The following C5 variants were observed in gnomAD, a reference collection of about 807,000 sequenced individuals.
The protein encoded by C5 is C3 and PZP-like alpha-2-macroglobulin domain-containing protein 4.
Under a neutral mutation model 218.8 loss-of-function variants are expected in C5, and 140 were observed. The ratio of observed to expected loss-of-function variants is 0.64; its 90% CI spans 0.56 to 0.74. The LOEUF (loss-of-function observed/expected upper bound fraction) is 0.74, where lower values mean the gene tolerates loss of function less well. Among genes scored for constraint, C5 ranks in the 30% least tolerant of loss-of-function variants. The pLI, the probability that C5 is intolerant of heterozygous loss-of-function variation, is 0.00. For synonymous variants in C5, 614 were observed against 682.3 expected (o/e 0.90, Z 1.56); for missense variants, 1,700 against 1,969.6 (o/e 0.86, Z 2.59).
chr9:121,048,763 G>GTTACT (rs2047649475), intron 1 of C5, among the ~76,000 whole-genome samples: 3 of 152,062 alleles, frequency 2.0e-5, no homozygotes, highest in Non-Finnish European at 4.4e-5. Flanking sequence ...CAGAGGAGCA[G>GTTACT]GAGCTTGCAG....
At position 121,017,643 on chromosome 9, in the gene C5, C is replaced by A; in HGVS notation, c.1716G>T (p.Gln572His). Reference sequence around the variant, plus strand: ...TTGTGACTTATAATTTGTGGCTTACCTGGAGCTGGTTGCCACATTTTTCTT... The same window carrying A: ...TTGTGACTTATAATTTGTGGCTTACATGGAGCTGGTTGCCACATTTTTCTT... ...NIEEKCGNQLQVHLSPDADAY... is the reference protein window; with the variant it reads ...NIEEKCGNQLHVHLSPDADAY... The change falls in exon 13 of 41, where the codon CAG becomes CAT. Residue 572 changes from glutamine to histidine, a missense_variant and splice_region_variant. Physicochemically the swap from Gln to His is conservative, Grantham distance 24. Transcript: ENST00000223642. The A allele has an allele frequency of 6.2e-7, 1 of 1,612,390 alleles. No homozygotes were observed. The highest frequency in any genetic ancestry group is 8.5e-7 in the Non-Finnish European group (1 of 1,178,814).
At chr9:121,073,923 A>T in the C5 span, among the ~76,000 whole-genome samples, 1 of 152,208 alleles carries the variant, frequency 6.6e-6, no homozygotes, top group African/African-American at 2.4e-5. Flanking sequence ...GAGTTTCTAA[A>T]AGTGTTATAC....
chr9:121,023,993 T>C (rs1412543939), intron 9 of C5, among the ~76,000 whole-genome samples: 1 of 150,754 alleles, frequency 6.6e-6, no homozygotes, highest in East Asian at 2.0e-4. Context: ...GAAAGAACCC[T>C]GAAAGGGAGT....
intron 29 of C5, among the ~76,000 whole-genome samples, chr9:120,976,207 CT>C (rs1202074795): frequency 6.6e-6 from 1 of 152,128 alleles, no homozygotes; most frequent in African/African-American, 2.4e-5. Flanking sequence ...TATTATACGA[CT>C]ACATAATAAT....
At chr9:121,045,836 T>C (rs2047621950) in intron 2 of C5, among the ~76,000 whole-genome samples, 1 of 152,166 alleles carries the variant, frequency 6.6e-6, no homozygotes, top group Non-Finnish European at 1.5e-5. Flanking sequence ...GTGGGCAATG[T>C]ACTACAGATA....
At position 120,982,646 on chromosome 9, in the gene C5, T is replaced by C. The variant is rs115696235; in HGVS notation, c.3390+9A>G. The C allele has an allele frequency of 3.6e-3, 5,748 of 1,594,158 alleles. 184 individuals carry two copies. The African/African-American group carries it at 0.07, about 19-fold the overall frequency. On this transcript the variant is annotated intron_variant, in intron 26 of 40. Transcript: ENST00000223642. ...AACTATTGCTAATTTGTGCATTTGG[T>C]TTCCTTACCTGTAATTTTATTGGTT...
chr9:121,018,908 C>T (rs2047340241), intron 12 of C5, among the ~76,000 whole-genome samples: 1 of 152,112 alleles, frequency 6.6e-6, no homozygotes, highest in Non-Finnish European at 1.5e-5. Flanking sequence ...TTATTCTCCT[C>T]ATTTAAGAAA....
rs2046752644 is a variant in C5 at position 120,952,653 on chromosome 9, G to A, written c.*86C>T. 1 of 1,388,236 alleles carries A rather than the reference G, an allele frequency of 7.2e-7. No homozygotes were observed. Among genetic ancestry groups the A allele is most frequent in the Admixed American group, 1.7e-5 (1 of 58,044 alleles). 86.0% of individuals were successfully genotyped at this position (1,388,236 alleles called of 1,614,324 possible). ...TTTACAAATAAGACCAGCTATGAAT[G>A]TTTAAAAAAAGAAGAAAACAAAAAA... is the stretch of plus-strand genomic sequence containing the variant. On this transcript the variant is annotated 3_prime_UTR_variant, in exon 41 of 41. Transcript: ENST00000223642.
Position 120,962,859 on chromosome 9 carries a change from T to C in C5, c.4398+34A>G, listed in dbSNP as rs892646565. 6 of 1,605,394 alleles carry C rather than the reference T, an allele frequency of 3.7e-6. No individual in the cohort carries two copies. In the African/African-American group the frequency reaches 5.4e-5, roughly 14 times the overall value. On this transcript the variant is annotated intron_variant, in intron 35 of 40. Transcript: ENST00000223642. ...TTAGCCTGTATATTTTGAATAGTAA[T>C]AGTAAAGGAAAAATGGTTGCAGGTG...
At chr9:121,012,904 C>T (rs971091526) in intron 17 of C5, among the ~76,000 whole-genome samples, 6 of 152,098 alleles carry the variant, frequency 3.9e-5, no homozygotes, top group Admixed American at 3.3e-4. Flanking sequence ...AGAAAAAATA[C>T]GGTATTATAA....
chr9:121,000,883 CATATATACTCAAT>C (rs781227939), intron 20 of C5, among the ~76,000 whole-genome samples: 5 of 152,088 alleles, frequency 3.3e-5, no homozygotes, highest in Admixed American at 2.0e-4. Context: ...TCTTTGTGTC[CATATATACTCAAT>C]GTTTAGCTCC....
intron 15 of C5, 125 bp from the exon 16 acceptor site, chr9:121,015,386 G>T: frequency 1.5e-6 from 1 of 663,982 alleles, no homozygotes; most frequent in Non-Finnish European, 2.7e-6. Flanking sequence ...AATATTGAGG[G>T]GCTGCTTTGG....
chr9:120,992,212 T>G (rs2047081855), intron 22 of C5, among the ~76,000 whole-genome samples: 1 of 152,236 alleles, frequency 6.6e-6, no homozygotes, highest in Non-Finnish European at 1.5e-5. Flanking sequence ...CCACATGGCT[T>G]TCCTAAAAAT....
At chr9:121,040,462 A>C (rs771041659) in intron 3 of C5, among the ~76,000 whole-genome samples, 6 of 152,334 alleles carry the variant, frequency 3.9e-5, no homozygotes, top group African/African-American at 1.2e-4. Context: ...AGATGCTTAC[A>C]CTAAAAATCC....
intron 40 of C5, 61 bp from the exon 41 acceptor site, chr9:120,952,929 T>A (rs927844118): frequency 7.6e-6 from 12 of 1,584,694 alleles, no homozygotes; most frequent in African/African-American, 1.4e-5. Flanking sequence ...ATTTGATTTC[T>A]TTATTTTTTT....
At chr9:121,060,253 T>G in the C5 span, among the ~76,000 whole-genome samples, 1 of 152,188 alleles carries the variant, frequency 6.6e-6, no homozygotes, top group African/African-American at 2.4e-5. Flanking sequence ...ACTTAATAGC[T>G]TCCCAAAGAA....
At chr9:121,003,602 GACAA>G (rs1259559100) in intron 20 of C5, among the ~76,000 whole-genome samples, 6 of 152,076 alleles carry the variant, frequency 3.9e-5, no homozygotes, top group African/African-American at 1.4e-4. Context: ...TAGATTATAT[GACAA>G]ACATATTACA....
At chr9:121,002,254 GTA>G (rs371381694) in intron 20 of C5, among the ~76,000 whole-genome samples, 10,575 of 65,736 alleles carry the variant, frequency 0.16, 1,081 homozygotes, top group East Asian at 0.41. Flanking sequence ...GTATATATAT[GTA>G]TATATGTATA....
At position 121,016,201 on chromosome 9, in the gene C5, G is replaced by A. The variant is rs1318227252; in HGVS notation, c.1996+53C>T. On this transcript the variant is annotated intron_variant, in intron 15 of 40. Coordinates refer to ENST00000223642, the MANE Select transcript of C5 (RefSeq NM_001735.3). ...GGGAAGAAGGATAAAAATGAGATCT[G>A]GGGGGCAAATGATCAATGGGATTTT... 8 of 1,606,928 alleles carry A rather than the reference G, an allele frequency of 5.0e-6. No individual in the cohort carries two copies. In the South Asian group the frequency reaches 8.8e-5, roughly 18 times the overall value.
Sources: allele counts gnomAD v4.1 joint callset (sites outside exome capture counted in the v4.1 genomes callset), GRCh38; gene constraint gnomAD v4.1.1; transcripts MANE v1.5; gene names NCBI Gene and HGNC (gene_info 2026-07-23, HGNC 2026-07-21).